The following FRAS1 variants were observed in gnomAD, a reference collection of about 807,000 sequenced individuals.
FRAS1 encodes the protein Fraser extracellular matrix complex subunit 1.
FRAS1 carries 290 observed loss-of-function variants against 435.2 expected under a neutral mutation model. The observed-to-expected ratio is 0.67, with a 90% CI of 0.61 to 0.73. FRAS1 has a LOEUF of 0.73. Ranked by LOEUF, FRAS1 falls within the 30% of genes least tolerant of loss-of-function variation. FRAS1 has a pLI of 0.00. For synonymous variants in FRAS1, 1,800 were observed against 1,851.0 expected (o/e 0.97, Z 0.71); for missense variants, 4,860 against 5,001.5 (o/e 0.97, Z 0.85).
chr4:78,473,953 T>TGAGATCTGA (rs1719788526), intron 53 of FRAS1, among the ~76,000 whole-genome samples: 1 of 152,252 alleles, frequency 6.6e-6, no homozygotes, highest in Admixed American at 6.5e-5. Context: ...CTTAACGATG[T>TGAGATCTGA]GCTCTACTGC....
At chr4:78,369,054 C>G (rs922934101) in intron 22 of FRAS1, among the ~76,000 whole-genome samples, 2 of 152,112 alleles carry the variant, frequency 1.3e-5, no homozygotes, top group Admixed American at 1.3e-4. Flanking sequence ...AATTAGGAGG[C>G]TGTGATAGTA....
chr4:78,518,661 A>G (rs1370996519), intron 66 of FRAS1, among the ~76,000 whole-genome samples: 1 of 152,160 alleles, frequency 6.6e-6, no homozygotes, highest in Non-Finnish European at 1.5e-5. Flanking sequence ...CTTCCTTAGA[A>G]GAAATGTTCT....
chr4:78,237,682 C>A, intron 3 of FRAS1, 65 bp downstream of exon 3: 1 of 765,440 alleles, frequency 1.3e-6, no homozygotes, highest in South Asian at 2.7e-5. Flanking sequence ...GTTTTTGGAT[C>A]ATTTCAGACA....
intron 2 of FRAS1, among the ~76,000 whole-genome samples, chr4:78,132,860 G>T (rs1304998806): frequency 6.6e-6 from 1 of 152,164 alleles, no homozygotes; most frequent in African/African-American, 2.4e-5. Context: ...ACTAGGGCCT[G>T]CATGGAAGGA....
intron 4 of FRAS1, among the ~76,000 whole-genome samples, chr4:78,248,373 A>T (rs1166950211): frequency 2.0e-5 from 3 of 152,086 alleles, no homozygotes; most frequent in African/African-American, 7.2e-5. Context: ...TGTGAAAGGG[A>T]GGGGAAAGGA....
At chr4:78,337,982 T>C in intron 20 of FRAS1, 165 bp downstream of exon 20, 1 of 632,838 alleles carries the variant, frequency 1.6e-6, no homozygotes, top group Admixed American at 2.7e-5. Context: ...GGGCATTTAG[T>C]AAATACTTGT....
At chr4:78,423,886 A>C (rs1181429055) in intron 34 of FRAS1, among the ~76,000 whole-genome samples, 1 of 152,230 alleles carries the variant, frequency 6.6e-6, no homozygotes, top group Non-Finnish European at 1.5e-5. Flanking sequence ...GAAGTCATCC[A>C]CTAAACTCGC....
chr4:78,541,035 G>A lies in FRAS1; in HGVS notation c.11950G>A (p.Ala3984Thr). ...CGTCAACATCCTGAGTGAGCCTGAGGCGGCTTACACGTTCAAAGGTGCTAA... is the reference window on the plus strand; with the variant it reads ...CGTCAACATCCTGAGTGAGCCTGAGACGGCTTACACGTTCAAAGGTGCTAA... Reference protein sequence around the residue: ...RNVNILSEPEAAYTFKGAKVK... With the variant: ...RNVNILSEPETAYTFKGAKVK... The change falls in exon 74 of 74, where the codon GCG becomes ACG. Residue 3984 changes from alanine (A) to threonine (T), a missense_variant. Ala to Thr is a moderately conservative substitution (Grantham distance 58, BLOSUM62 0). Transcript: ENST00000512123. 3.3e-6 allele frequency: 5 copies of A among 1,507,838 alleles called. No individual in the cohort carries two copies. Among genetic ancestry groups the A allele is most frequent in the Non-Finnish European group, 4.4e-6 (5 of 1,123,816 alleles). 93.4% of individuals were successfully genotyped at this position (1,507,838 alleles called of 1,614,324 possible).
chr4:78,205,212 G>GT (rs1723206686), intron 2 of FRAS1, among the ~76,000 whole-genome samples: 1 of 104,560 alleles, frequency 9.6e-6, no homozygotes, highest in Admixed American at 1.0e-4. Flanking sequence ...TTTTTGTTTT[G>GT]TTTTTTTGAG....
chr4:78,444,049 C>T (rs1718689957), intron 41 of FRAS1: 1 of 381,156 alleles, frequency 2.6e-6, no homozygotes, highest in African/African-American at 2.2e-5. Context: ...GAGACAGGGT[C>T]TCACTAAGTT....
At chr4:78,302,033 T>A (rs1034344451) in intron 14 of FRAS1, among the ~76,000 whole-genome samples, 7 of 138,948 alleles carry the variant, frequency 5.0e-5, no homozygotes, top group African/African-American at 1.9e-4. Context: ...GTCACCAGAG[T>A]GTGATGTTCC....
At chr4:78,095,128 C>T (rs186878266) in intron 2 of FRAS1, among the ~76,000 whole-genome samples, 36 of 152,192 alleles carry the variant, frequency 2.4e-4, no homozygotes, top group African/African-American at 5.5e-4. Context: ...AAAACTTGTC[C>T]GGTTGACTGG....
chr4:78,432,440 G>A lies in FRAS1; in HGVS notation c.5053G>A (p.Glu1685Lys), dbSNP rs1341449851. 1.9e-6 allele frequency: 3 copies of A among 1,612,956 alleles called. No individual in the cohort carries two copies. In the Admixed American group the frequency reaches 5.0e-5, roughly 27 times the overall value. ...DGSSTREDSM[E>K]ISVTDGLTVT... ...TTCCTCTACCCGGGAAGACAGCATG[G>A]AGATCTCAGTCACAGATGGCCTCAC... The change falls in exon 38 of 74, where the codon GAG (glutamate) becomes AAG (lysine). Residue 1685 changes from glutamate (E) to lysine (K), a missense_variant. Glu to Lys is a moderately conservative substitution (Grantham distance 56). Coordinates refer to ENST00000512123, the MANE Select transcript of FRAS1 (RefSeq NM_025074.7).
chr4:78,171,814 T>C (rs898857258), intron 2 of FRAS1, among the ~76,000 whole-genome samples: 9 of 152,158 alleles, frequency 5.9e-5, no homozygotes, highest in Admixed American at 4.6e-4. Flanking sequence ...CCTCCTCACA[T>C]AATACTGTGG....
chr4:78,171,481 G>C (rs1210664414), intron 2 of FRAS1, among the ~76,000 whole-genome samples: 1 of 152,050 alleles, frequency 6.6e-6, no homozygotes, highest in Non-Finnish European at 1.5e-5. Context: ...TCTTCAACTT[G>C]CTCTTTTTCA....
intron 2 of FRAS1, among the ~76,000 whole-genome samples, chr4:78,204,601 G>T (rs995405556): frequency 1.3e-5 from 2 of 152,110 alleles, no homozygotes; most frequent in East Asian, 1.9e-4. Context: ...ACTGATTTTT[G>T]GGATCATTAT....
At position 78,473,428 on chromosome 4, in the gene FRAS1, T is replaced by C; in HGVS notation, c.7523-10T>C. ...CTGGGTTAATTCACAGTGAGTCTTT[T>C]TTCTCACAGAGGATGTGAACTTGGG... On this transcript the variant is annotated splice_polypyrimidine_tract_variant and intron_variant, in intron 52 of 73. Transcript: ENST00000512123. 1.2e-6 allele frequency: 2 copies of C among 1,609,350 alleles called. No homozygotes were observed. The highest frequency in any genetic ancestry group is 1.7e-6 in the Non-Finnish European group (2 of 1,177,106).
In FRAS1 at chr4:78,432,380, G is replaced by T; in HGVS notation, c.4993G>T (p.Val1665Phe). ...ATGDTFTYED[V>F]EKNALQYIHD... ...AGGTGACACTTTCACCTATGAGGAT[G>T]TTGAGAAAAATGCTCTACAGTATAT... The change falls in exon 38 of 74, where the codon GTT (valine) becomes TTT (phenylalanine). Residue 1665 changes from valine (V) to phenylalanine (F), a missense_variant. Physicochemically the swap from Val to Phe is conservative, Grantham distance 50. Transcript: ENST00000512123. 6.2e-7 allele frequency: 1 copy of T among 1,603,052 alleles called. No individual in the cohort carries two copies. The highest frequency in any genetic ancestry group is 8.5e-7 in the Non-Finnish European group (1 of 1,174,124).
At chr4:78,419,532 C>T (rs975457445) in intron 33 of FRAS1, among the ~76,000 whole-genome samples, 1 of 152,190 alleles carries the variant, frequency 6.6e-6, no homozygotes, top group African/African-American at 2.4e-5. Flanking sequence ...CATTACTCCT[C>T]CTCCTATCTG....
Sources: allele counts gnomAD v4.1 joint callset (sites outside exome capture counted in the v4.1 genomes callset), GRCh38; gene constraint gnomAD v4.1.1; transcripts MANE v1.5; gene names NCBI Gene and HGNC (gene_info 2026-07-23, HGNC 2026-07-21).